BORCS5: variants seen among roughly 807,000 people sequenced by gnomAD.
BORCS5 encodes BLOC-1 related complex subunit 5, also known as BLOC-1-related complex subunit 5.
In BORCS5, 17 loss-of-function variants were observed where a neutral mutation model predicts 22.1. That is an observed-to-expected ratio of 0.77 (90% CI 0.53 to 1.15). The LOEUF (loss-of-function observed/expected upper bound fraction) is 1.15, where lower values mean the gene tolerates loss of function less well. Among genes scored for constraint, BORCS5 ranks in the 50% most tolerant of loss-of-function variants. BORCS5 has a pLI of 0.00. For synonymous variants in BORCS5, 117 were observed against 99.8 expected (o/e 1.17, Z -1.03); for missense variants, 247 against 253.2 (o/e 0.98, Z 0.17).
chr12:12,410,283 T>A lies in BORCS5; in HGVS notation c.203-25345T>A, dbSNP rs867792511. On this transcript the variant is annotated intron_variant, in intron 2 of 3. Transcript: ENST00000314565. Reference sequence around the variant, plus strand: ...TTGTTGCCATTGCTTTTGGTGTTTTTGACATGAAGTCCTTGCCCATGCCTA... The same window carrying A: ...TTGTTGCCATTGCTTTTGGTGTTTTAGACATGAAGTCCTTGCCCATGCCTA... Among the ~76,000 whole-genome samples the A allele has an allele frequency of 2.2e-4, 33 of 151,986 alleles. 1 individual carries two copies. Among genetic ancestry groups the A allele is most frequent in the South Asian group, 1.2e-3 (6 of 4,818 alleles).
chr12:12,422,380 C>G (rs899959248), intron 2 of BORCS5, among the ~76,000 whole-genome samples: 1 of 141,686 alleles, frequency 7.1e-6, no homozygotes, highest in Non-Finnish European at 1.5e-5. Flanking sequence ...TTGGAAGGCC[C>G]AGGCAGGCAG....
At chr12:12,429,467 A>G (rs1942367747) in intron 2 of BORCS5, among the ~76,000 whole-genome samples, 2 of 152,168 alleles carry the variant, frequency 1.3e-5, no homozygotes, top group South Asian at 4.1e-4. Flanking sequence ...CGGTGGGTTT[A>G]TGGAGATTCC....
intron 2 of BORCS5, among the ~76,000 whole-genome samples, chr12:12,405,960 A>G (rs890873778): frequency 6.6e-6 from 1 of 152,258 alleles, no homozygotes; most frequent in South Asian, 2.1e-4. Context: ...AATGGCCAAG[A>G]TCATGCCACA....
At position 12,467,290 on chromosome 12, in the gene BORCS5, A is replaced by C. The variant is rs1418910130; in HGVS notation, c.*1514A>C. On this transcript the variant is annotated 3_prime_UTR_variant, in exon 4 of 4. Coordinates refer to ENST00000314565, the MANE Select transcript of BORCS5 (RefSeq NM_058169.6). ...AGCTTCGAGGAATGAAGGGCTGTTT[A>C]CAGAGCTACAAAAATAGCTTAGGTG... 6.6e-6 allele frequency: 1 copy of C among 152,248 alleles called. No homozygotes were observed. Among genetic ancestry groups the C allele is most frequent in the African/African-American group, 2.4e-5 (1 of 41,456 alleles). 9.4% of individuals were successfully genotyped at this position (152,248 alleles called of 1,614,324 possible). A position where few individuals can be genotyped will look rare whatever the true frequency, so the allele number is the denominator to read the frequency against.
chr12:12,368,273 T>C (rs545973651), intron 2 of BORCS5, among the ~76,000 whole-genome samples: 1 of 151,602 alleles, frequency 6.6e-6, no homozygotes, highest in East Asian at 1.9e-4. Context: ...CCAGTGGTAT[T>C]CTGTTTTGTT....
chr12:12,458,927 G>A (rs1032403700), intron 3 of BORCS5, among the ~76,000 whole-genome samples: 6 of 147,640 alleles, frequency 4.1e-5, no homozygotes, highest in African/African-American at 7.4e-5. Flanking sequence ...AGTCAAGATC[G>A]CGCCACTGCA....
chr12:12,468,244 AC>A lies in BORCS5; in HGVS notation c.*2470del, dbSNP rs1024679562. Reference sequence around the variant, plus strand: ...TTCCTAGTGGTTCTTTTCTGATGGAACCTCTGACTGGTAACATGGCATTACC... The same window carrying A: ...TTCCTAGTGGTTCTTTTCTGATGGAACTCTGACTGGTAACATGGCATTACC... On this transcript the variant is annotated 3_prime_UTR_variant, in exon 4 of 4. Transcript: ENST00000314565. 6.6e-6 allele frequency: 1 copy of A among 151,744 alleles called. No homozygotes were observed. Among genetic ancestry groups the A allele is most frequent in the Non-Finnish European group, 1.5e-5 (1 of 67,936 alleles). 9.4% of individuals were successfully genotyped at this position (151,744 alleles called of 1,614,324 possible).
At chr12:12,438,524 C>G (rs1265787516) in intron 3 of BORCS5, among the ~76,000 whole-genome samples, 3 of 152,088 alleles carry the variant, frequency 2.0e-5, no homozygotes, top group Non-Finnish European at 4.4e-5. Flanking sequence ...CAGAGCTTCT[C>G]ATTATAGCAC....
intron 2 of BORCS5, among the ~76,000 whole-genome samples, chr12:12,390,366 A>G (rs1460710446): frequency 6.6e-6 from 1 of 152,156 alleles, no homozygotes; most frequent in African/African-American, 2.4e-5. Context: ...TACATAGATC[A>G]TGATGAGGAA....
At chr12:12,448,045 G>C (rs1323504989) in intron 3 of BORCS5, among the ~76,000 whole-genome samples, 4 of 152,152 alleles carry the variant, frequency 2.6e-5, no homozygotes, top group Non-Finnish European at 5.9e-5. Context: ...GCATATATCA[G>C]CTATATTTCA....
chr12:12,457,973 G>T (rs1943029523), intron 3 of BORCS5, among the ~76,000 whole-genome samples: 1 of 152,178 alleles, frequency 6.6e-6, no homozygotes, highest in South Asian at 2.1e-4. Context: ...ATAGGATTCG[G>T]GATAACCGTG....
intron 3 of BORCS5, among the ~76,000 whole-genome samples, chr12:12,442,231 C>T (rs543686109): frequency 6.6e-6 from 1 of 150,920 alleles, no homozygotes; most frequent in East Asian, 1.9e-4. Flanking sequence ...TAAATGTGTT[C>T]ATAGATTAGA....
At chr12:12,420,321 G>A (rs1040419224) in intron 2 of BORCS5, among the ~76,000 whole-genome samples, 30 of 152,136 alleles carry the variant, frequency 2.0e-4, no homozygotes, top group Non-Finnish European at 2.5e-4. Context: ...CCCATTTCTT[G>A]TTTTTATCAG....
At chr12:12,415,008 G>T (rs1418983866) in intron 2 of BORCS5, among the ~76,000 whole-genome samples, 1 of 126,120 alleles carries the variant, frequency 7.9e-6, no homozygotes, top group Non-Finnish European at 1.8e-5. Flanking sequence ...GGGAAGAGGC[G>T]CTCCTCGCTT....
At chr12:12,375,810 T>TTTGTTGTTG (rs59033819) in intron 2 of BORCS5, among the ~76,000 whole-genome samples, 2 of 152,038 alleles carry the variant, frequency 1.3e-5, no homozygotes, top group African/African-American at 4.8e-5. Flanking sequence ...GTTTTTTTTG[T>TTTGTTGTTG]TTGTTGTTGT....
rs776703671 is a variant in BORCS5, at chr12:12,361,340, C to T, written c.193C>T (p.Leu65Phe). The part of the protein sequence containing the change: ...KLQEIPTFQP[L>F]LKGLLSGQTS... ...GCAAGAGATTCCAACCTTCCAGCCC[C>T]TTTTGAAAGGTAAAGGATTGCGTTT... The change falls in exon 2 of 4, where the codon CTT (leucine) becomes TTT (phenylalanine). Residue 65 changes from leucine to phenylalanine, a missense_variant. Physicochemically the swap from Leu to Phe is conservative, Grantham distance 22. Transcript: ENST00000314565. The T allele has an allele frequency of 2.9e-5, 47 of 1,613,978 alleles. No homozygotes were observed. The highest frequency in any genetic ancestry group is 4.0e-5 in the Non-Finnish European group (47 of 1,179,882).
chr12:12,453,165 A>G (rs1333359998), intron 3 of BORCS5, among the ~76,000 whole-genome samples: 1 of 152,212 alleles, frequency 6.6e-6, no homozygotes, highest in Non-Finnish European at 1.5e-5. Flanking sequence ...GACTATAGAA[A>G]TCATTTCACT....
At chr12:12,430,469 G>A (rs1048140850) in intron 2 of BORCS5, among the ~76,000 whole-genome samples, 4 of 152,086 alleles carry the variant, frequency 2.6e-5, no homozygotes, top group Admixed American at 6.6e-5. Context: ...GTTTTAAGAT[G>A]TGTTCGGCCA....
chr12:12,460,996 C>A (rs1340973932), intron 3 of BORCS5, among the ~76,000 whole-genome samples: 3 of 152,090 alleles, frequency 2.0e-5, no homozygotes, highest in African/African-American at 7.2e-5. Flanking sequence ...TGCCTAATAA[C>A]CTTAGTGAGG....
Sources: allele counts gnomAD v4.1 joint callset (sites outside exome capture counted in the v4.1 genomes callset), GRCh38; gene constraint gnomAD v4.1.1; transcripts MANE v1.5; gene names NCBI Gene and HGNC (gene_info 2026-07-23, HGNC 2026-07-21).